Variants in BMP5 observed in about 807,000 individuals in gnomAD.
The protein encoded by BMP5 is bone morphogenetic protein 5.
A neutral mutation model predicts 46.6 loss-of-function variants in BMP5; 23 were observed. That is an observed-to-expected ratio of 0.49 (90% CI 0.35 to 0.70). BMP5 has a LOEUF of 0.70. Ranked by LOEUF, BMP5 falls within the 30% of genes least tolerant of loss-of-function variation. The pLI is 0.00. For synonymous variants in BMP5, 204 were observed against 191.9 expected (o/e 1.06, Z -0.52); for missense variants, 545 against 565.6 (o/e 0.96, Z 0.37).
chr6:55,829,347 GT>G (rs138425901), intron 1 of BMP5, among the ~76,000 whole-genome samples: 1,998 of 150,722 alleles, frequency 0.013, 37 homozygotes, highest in African/African-American at 0.046. Flanking sequence ...TGGTTTTCTT[GT>G]TTTTTTTCAG....
chr6:55,857,672 TG>T (rs1262606665), intron 1 of BMP5, among the ~76,000 whole-genome samples: 1 of 152,202 alleles, frequency 6.6e-6, no homozygotes, highest in African/African-American at 2.4e-5. Flanking sequence ...ACTACTCAAT[TG>T]AAAAATAATG....
At chr6:55,845,694 A>G (rs1180562838) in intron 1 of BMP5, among the ~76,000 whole-genome samples, 2 of 152,052 alleles carry the variant, frequency 1.3e-5, no homozygotes, top group African/African-American at 4.8e-5. Flanking sequence ...TTCCTCTTAT[A>G]CAGGGAGAGA....
intron 1 of BMP5, among the ~76,000 whole-genome samples, chr6:55,835,070 G>T (rs1776757678): frequency 6.7e-6 from 1 of 148,958 alleles, no homozygotes; most frequent in African/African-American, 2.5e-5. Context: ...TGAGCAACAA[G>T]AGTGAAACTC....
chr6:55,824,529 A>G (rs116215884), intron 1 of BMP5, among the ~76,000 whole-genome samples: 387 of 152,018 alleles, frequency 2.5e-3, no homozygotes, highest in African/African-American at 9.0e-3. Flanking sequence ...CAAATAAAAC[A>G]AGACAAACAA....
intron 1 of BMP5, among the ~76,000 whole-genome samples, chr6:55,823,338 C>T (rs1776453750): frequency 6.6e-6 from 1 of 151,968 alleles, no homozygotes; most frequent in African/African-American, 2.4e-5. Flanking sequence ...ATACATAATC[C>T]AGAGAAATCT....
chr6:55,808,480 C>T (rs1163701445), intron 2 of BMP5, among the ~76,000 whole-genome samples: 1 of 152,168 alleles, frequency 6.6e-6, no homozygotes, highest in Non-Finnish European at 1.5e-5. Flanking sequence ...CAGCAGTCAA[C>T]CACAGCTGTG....
At chr6:55,831,454 A>G (rs1233088535) in intron 1 of BMP5, among the ~76,000 whole-genome samples, 2 of 152,122 alleles carry the variant, frequency 1.3e-5, no homozygotes, top group Non-Finnish European at 2.9e-5. Flanking sequence ...TTAAGGGCTA[A>G]AAGAAATTAT....
intron 3 of BMP5, among the ~76,000 whole-genome samples, chr6:55,785,745 T>G (rs1775431588): frequency 1.3e-5 from 2 of 149,548 alleles, no homozygotes; most frequent in Admixed American, 1.3e-4. Context: ...CTTGATTTCT[T>G]GCAAAAAAAA....
At chr6:55,780,474 G>A (rs490482) in intron 3 of BMP5, among the ~76,000 whole-genome samples, 14,023 of 65,440 alleles carry the variant, frequency 0.21, 1,280 homozygotes, top group African/African-American at 0.37. Context: ...AAAAAAAAAA[G>A]AAAGAAAGAA....
At chr6:55,808,705 G>T (rs1776051331) in intron 2 of BMP5, among the ~76,000 whole-genome samples, 1 of 151,988 alleles carries the variant, frequency 6.6e-6, no homozygotes, top group African/African-American at 2.4e-5. Context: ...TCCCTTGGCT[G>T]GGGGGTGGTG....
intron 2 of BMP5, among the ~76,000 whole-genome samples, chr6:55,797,838 G>A (rs112628298): frequency 2.6e-5 from 4 of 151,828 alleles, no homozygotes; most frequent in Non-Finnish European, 5.9e-5. Flanking sequence ...GGATGGTCTC[G>A]ATCTCCTGAC....
At chr6:55,785,153 T>G (rs1301466765) in intron 3 of BMP5, among the ~76,000 whole-genome samples, 1 of 151,894 alleles carries the variant, frequency 6.6e-6, no homozygotes, top group Non-Finnish European at 1.5e-5. Flanking sequence ...CTGGATTAAC[T>G]ATGTAGAATT....
chr6:55,833,996 A>G (rs986748957), intron 1 of BMP5, among the ~76,000 whole-genome samples: 22 of 152,164 alleles, frequency 1.4e-4, no homozygotes, highest in Admixed American at 1.1e-3. Flanking sequence ...AAGAAAAAAG[A>G]GGAAAACAGT....
intron 3 of BMP5, among the ~76,000 whole-genome samples, chr6:55,775,911 T>C (rs1360420910): frequency 1.3e-5 from 2 of 149,462 alleles, no homozygotes; most frequent in African/African-American, 5.0e-5. Flanking sequence ...AATGTGGAGG[T>C]ATTGGTTGAA....
At chr6:55,792,414 G>C (rs1775593644) in intron 3 of BMP5, among the ~76,000 whole-genome samples, 1 of 151,982 alleles carries the variant, frequency 6.6e-6, no homozygotes, top group African/African-American at 2.4e-5. Context: ...GGCGCCTGTA[G>C]TCCCGGCTAC....
rs1775865646 is a variant in BMP5 at position 55,802,189 on chromosome 6, A to T, written c.684-7762T>A. On this transcript the variant is annotated intron_variant, in intron 2 of 6. Transcript: ENST00000370830. ...AAGACATTGGGCTATGTTGGTCCAG[A>T]GCTCTTAGTTCCCAATGGTACAATG... 2.6e-5 allele frequency among the ~76,000 whole-genome samples: 4 copies of T among 152,144 alleles called. No individual in the cohort carries two copies. The South Asian group carries it at 8.3e-4, about 32-fold the overall frequency.
intron 2 of BMP5, among the ~76,000 whole-genome samples, chr6:55,815,893 A>C (rs1441713925): frequency 6.6e-6 from 1 of 152,114 alleles, no homozygotes; most frequent in Non-Finnish European, 1.5e-5. Context: ...TATACCATTC[A>C]CATCCTTAGA....
At chr6:55,798,398 A>C (rs960566631) in intron 2 of BMP5, among the ~76,000 whole-genome samples, 14 of 152,234 alleles carry the variant, frequency 9.2e-5, no homozygotes, top group African/African-American at 3.1e-4. Flanking sequence ...GTCTTTATTG[A>C]CAACATAGCA....
intron 1 of BMP5, among the ~76,000 whole-genome samples, chr6:55,839,457 C>G (rs544175711): frequency 1.3e-5 from 2 of 152,074 alleles, no homozygotes; most frequent in Non-Finnish European, 2.9e-5. Flanking sequence ...GGGAGGACTA[C>G]AGGCATTCAC....
Sources: gnomAD v4.1 joint callset for allele counts (sites outside exome capture counted in the v4.1 genomes callset) on GRCh38, gnomAD v4.1.1 for gene constraint, MANE v1.5 for transcripts, NCBI Gene and HGNC (gene_info 2026-07-23, HGNC 2026-07-21) for gene names.